The following SNTG1 variants were observed in gnomAD, a reference collection of about 807,000 sequenced individuals.
SNTG1 encodes the protein gamma-1-syntrophin.
SNTG1 carries 39 observed loss-of-function variants against 74.7 expected under a neutral mutation model. The observed-to-expected ratio is 0.52, with a 90% CI of 0.40 to 0.68. The LOEUF is 0.68. SNTG1 is among the 30% of genes least tolerant of loss of function. The pLI, the probability that SNTG1 is intolerant of heterozygous loss-of-function variation, is 0.00. For synonymous variants in SNTG1, 254 were observed against 217.1 expected, an observed-to-expected ratio of 1.17 and a Z score of -1.49; for missense variants, 685 against 609.5, an observed-to-expected ratio of 1.12 and a Z score of -1.30.
intron 2 of SNTG1, among the ~76,000 whole-genome samples, chr8:50,215,890 T>C (rs2084769174): frequency 6.6e-6 from 1 of 152,188 alleles, no homozygotes; most frequent in South Asian, 2.1e-4. Flanking sequence ...ATATGCAGTT[T>C]AATTGCAAAA....
At chr8:50,202,838 T>C (rs1173281677) in intron 2 of SNTG1, among the ~76,000 whole-genome samples, 1 of 151,710 alleles carries the variant, frequency 6.6e-6, no homozygotes. Context: ...TGTAGGTGAA[T>C]GTATTTATTT....
At chr8:49,943,746 C>T (rs975120681) in intron 1 of SNTG1, among the ~76,000 whole-genome samples, 1 of 152,204 alleles carries the variant, frequency 6.6e-6, no homozygotes, top group Non-Finnish European at 1.5e-5. Flanking sequence ...TGCATTTCCT[C>T]TTCTTTTAAA....
At chr8:50,225,612 T>C (rs563713233) in intron 2 of SNTG1, among the ~76,000 whole-genome samples, 1 of 152,288 alleles carries the variant, frequency 6.6e-6, no homozygotes, top group East Asian at 1.9e-4. Context: ...TCCTAACTCA[T>C]ATTTGGCTCA....
chr8:50,366,701 A>G (rs2092120821), intron 2 of SNTG1, among the ~76,000 whole-genome samples: 1 of 146,632 alleles, frequency 6.8e-6, no homozygotes, highest in African/African-American at 2.5e-5. Flanking sequence ...ATTTTATATA[A>G]TATATAATAT....
At chr8:50,788,497 A>G (rs2131859914) in intron 18 of SNTG1, among the ~76,000 whole-genome samples, 1 of 152,064 alleles carries the variant, frequency 6.6e-6, no homozygotes, top group South Asian at 2.1e-4. Flanking sequence ...TTATTGACCC[A>G]CTTATGCCAT....
intron 1 of SNTG1, among the ~76,000 whole-genome samples, chr8:50,096,929 G>A (rs1292757088): frequency 6.6e-6 from 1 of 152,006 alleles, no homozygotes; most frequent in East Asian, 1.9e-4. Flanking sequence ...ATCACTGCAG[G>A]AAAATACAAA....
rs577905958 is a variant in SNTG1 at position 50,051,469 on chromosome 8, T to C, written c.-102-121092T>C. 5.3e-5 allele frequency among the ~76,000 whole-genome samples: 8 copies of C among 152,252 alleles called. No homozygotes were observed. The East Asian group carries it at 1.4e-3, about 26-fold the overall frequency. Reference sequence around the variant, plus strand: ...ATGAAAAAGTGCAAACATGTATGCATTGTTTCCTAGGGCTGCCATATTAAA... The same window carrying C: ...ATGAAAAAGTGCAAACATGTATGCACTGTTTCCTAGGGCTGCCATATTAAA... On this transcript the variant is annotated intron_variant, in intron 1 of 18. Transcript: ENST00000642720.
intron 1 of SNTG1, among the ~76,000 whole-genome samples, chr8:49,981,195 C>A (rs1177047148): frequency 6.6e-6 from 1 of 152,068 alleles, no homozygotes; most frequent in Admixed American, 6.6e-5. Flanking sequence ...CAGAAGCAAA[C>A]AATAGTACCT....
chr8:50,077,692 T>C (rs1822019020), intron 1 of SNTG1, among the ~76,000 whole-genome samples: 1 of 152,190 alleles, frequency 6.6e-6, no homozygotes, highest in African/African-American at 2.4e-5. Context: ...TTAGATCACT[T>C]CCATCATCCT....
chr8:50,347,609 C>G (rs2091520147), intron 2 of SNTG1, among the ~76,000 whole-genome samples: 1 of 152,130 alleles, frequency 6.6e-6, no homozygotes. Flanking sequence ...ATAATGATTC[C>G]TCCAATGGAT....
chr8:50,164,750 T>C (rs1216306279), intron 1 of SNTG1, among the ~76,000 whole-genome samples: 1 of 152,210 alleles, frequency 6.6e-6, no homozygotes, highest in Non-Finnish European at 1.5e-5. Flanking sequence ...GCAACTCTTA[T>C]GTTAACAGTT....
At chr8:50,046,621 C>T (rs913972758) in intron 1 of SNTG1, among the ~76,000 whole-genome samples, 1 of 152,046 alleles carries the variant, frequency 6.6e-6, no homozygotes, top group Non-Finnish European at 1.5e-5. Context: ...ATTCATTAAC[C>T]TGAATTCAAT....
At chr8:50,381,556 A>T (rs1378501550) in intron 2 of SNTG1, among the ~76,000 whole-genome samples, 1 of 100,014 alleles carries the variant, frequency 1.0e-5, no homozygotes, top group African/African-American at 3.1e-5. Flanking sequence ...AACTAATAGG[A>T]TATGTGTGTG....
At chr8:50,224,899 G>T (rs937762152) in intron 2 of SNTG1, among the ~76,000 whole-genome samples, 3 of 152,208 alleles carry the variant, frequency 2.0e-5, no homozygotes, top group African/African-American at 7.2e-5. Flanking sequence ...ACATTCTAGA[G>T]AGAATCCCCT....
chr8:50,265,859 A>T (rs117149403), intron 2 of SNTG1, among the ~76,000 whole-genome samples: 1,649 of 152,168 alleles, frequency 0.011, 26 homozygotes, highest in Non-Finnish European at 0.016. Context: ...AAAAAATGAA[A>T]TACTTTGGAA....
At chr8:50,585,581 G>C (rs2094642834) in intron 12 of SNTG1, among the ~76,000 whole-genome samples, 1 of 152,110 alleles carries the variant, frequency 6.6e-6, no homozygotes, top group Non-Finnish European at 1.5e-5. Context: ...GTCTTAAAAT[G>C]ATGCAGAGAA....
intron 1 of SNTG1, among the ~76,000 whole-genome samples, chr8:50,106,937 A>G (rs889548032): frequency 6.6e-6 from 1 of 152,140 alleles, no homozygotes; most frequent in African/African-American, 2.4e-5. Context: ...TTTGGAGACA[A>G]ACAGAGCTGA....
intron 1 of SNTG1, among the ~76,000 whole-genome samples, chr8:50,108,784 C>G (rs2080476191): frequency 6.6e-6 from 1 of 152,068 alleles, no homozygotes. Flanking sequence ...AACAAATTTG[C>G]TTGATTTTGA....
intron 1 of SNTG1, among the ~76,000 whole-genome samples, chr8:50,069,473 A>G (rs1563547753): frequency 6.6e-6 from 1 of 152,118 alleles, no homozygotes; most frequent in Non-Finnish European, 1.5e-5. Flanking sequence ...CACAATAAAA[A>G]TTGGTGTTTA....
Sources: gnomAD v4.1 joint callset for allele counts (sites outside exome capture counted in the v4.1 genomes callset) on GRCh38, gnomAD v4.1.1 for gene constraint, MANE v1.5 for transcripts, NCBI Gene and HGNC (gene_info 2026-07-23, HGNC 2026-07-21) for gene names.